The following HEPHL1 variants were observed in gnomAD, a reference collection of about 807,000 sequenced individuals.
HEPHL1 encodes the protein ferroxidase HEPHL1.
A neutral mutation model predicts 122.0 loss-of-function variants in HEPHL1; 123 were observed. The ratio of observed to expected loss-of-function variants is 1.01; its 90% confidence interval spans 0.87 to 1.17. The LOEUF (loss-of-function observed/expected upper bound fraction) is 1.17, where lower values mean the gene tolerates loss of function less well. HEPHL1 is among the 50% of genes most tolerant of loss of function. The probability of loss-of-function intolerance (pLI) is 0.00; values close to 1 mark genes in which losing one functional copy is unlikely to be tolerated. For missense variants in HEPHL1, 1,452 were observed against 1,430.5 expected (o/e 1.01, Z -0.24); for synonymous variants, 527 against 508.9 (o/e 1.04, Z -0.48).
At chr11:94,075,596 G>C (rs1946116598) in intron 9 of HEPHL1, among the ~76,000 whole-genome samples, 1 of 152,114 alleles carries the variant, frequency 6.6e-6, no homozygotes, top group Non-Finnish European at 1.5e-5. Flanking sequence ...CAGGAACCTA[G>C]AATCTCTGCT....
Position 94,090,254 on chromosome 11 carries a change from A to G in HEPHL1, c.2294+1286A>G, listed in dbSNP as rs533449199. Among the ~76,000 whole-genome samples the G allele has an allele frequency of 2.0e-4, 31 of 152,292 alleles. No homozygotes were observed. The South Asian group carries it at 6.4e-3, about 32-fold the overall frequency. On this transcript the variant is annotated intron_variant, in intron 12 of 19. Transcript: ENST00000315765. ...GAAGACTGGTGCTGGTACAGTGGAA[A>G]ATGAAATGAATTCCAATCTGGCCCT...
chr11:94,032,638 G>A (rs1945685648), intron 1 of HEPHL1, among the ~76,000 whole-genome samples: 1 of 152,174 alleles, frequency 6.6e-6, no homozygotes, highest in South Asian at 2.1e-4. Flanking sequence ...GAGCAGGGCA[G>A]GAGAGGGGTC....
At chr11:94,021,857 A>G (rs1032944980) in intron 1 of HEPHL1, among the ~76,000 whole-genome samples, 2 of 152,154 alleles carry the variant, frequency 1.3e-5, no homozygotes, top group African/African-American at 4.8e-5. Context: ...TTTGTTTTTA[A>G]ATGACAACAC....
chr11:94,082,629 G>A, intron 10 of HEPHL1, 61 bp downstream of exon 10: 3 of 1,477,794 alleles, frequency 2.0e-6, no homozygotes, highest in Non-Finnish European at 2.8e-6. Flanking sequence ...AAGTGAAAAT[G>A]ATTGGTGTGT....
chr11:94,076,632 C>G (rs759673724), intron 9 of HEPHL1, among the ~76,000 whole-genome samples: 8 of 151,438 alleles, frequency 5.3e-5, no homozygotes, highest in Middle Eastern at 6.9e-3. Flanking sequence ...TACCCTGAAA[C>G]ATCCTATACC....
At chr11:94,065,684 T>C (rs1000253719) in intron 4 of HEPHL1, among the ~76,000 whole-genome samples, 1 of 152,116 alleles carries the variant, frequency 6.6e-6, no homozygotes. Flanking sequence ...AGACATAAAT[T>C]CAAATCATTG....
chr11:94,068,442 G>A (rs1004721988), intron 5 of HEPHL1, among the ~76,000 whole-genome samples: 8 of 152,150 alleles, frequency 5.3e-5, no homozygotes, highest in Non-Finnish European at 1.2e-4. Context: ...CATGTCCTAT[G>A]ATAGGTGCAT....
At position 94,073,047 on chromosome 11, in the gene HEPHL1, C is replaced by G; in HGVS notation, c.1255C>G (p.Gln419Glu). Residue 419 changes from glutamine to glutamate, a missense_variant, in exon 7 of 20, where the codon CAA becomes GAA. By Grantham distance (29) the Gln-to-Glu change is conservative. Coordinates refer to ENST00000315765, the MANE Select transcript of HEPHL1 (RefSeq NM_001098672.2). ...CAGTGACTCTGATCTCTACTTCACA[C>G]AAGGGGACAACAGAATAGGAGGAAA... The part of the protein sequence containing the change: ...SGSDSDLYFT[Q>E]GDNRIGGKYW... 2 of 1,612,568 alleles carry G rather than the reference C, an allele frequency of 1.2e-6. No homozygotes were observed. Among genetic ancestry groups the G allele is most frequent in the Non-Finnish European group, 1.7e-6 (2 of 1,178,990 alleles).
Position 94,073,385 on chromosome 11 carries a change from T to G in HEPHL1, c.1450T>G (p.Leu484Val). 2 of 1,572,214 alleles carry G rather than the reference T, an allele frequency of 1.3e-6. No individual in the cohort carries two copies. The highest frequency in any genetic ancestry group is 8.6e-7 in the Non-Finnish European group (1 of 1,157,412). Residue 484 changes from leucine to valine, a missense_variant, in exon 8 of 20, where the codon TTA (leucine) becomes GTA (valine). Leu to Val is a conservative substitution (Grantham distance 32). Coordinates refer to ENST00000315765, the MANE Select transcript of HEPHL1 (RefSeq NM_001098672.2). ...CAAAGCCGACAAGGTCTATAGCATT[T>G]TACCCCATGGTGTGATCTATGACAA... ...ANKADKVYSI[L>V]PHGVIYDKAS...
rs1346089177 is a variant in HEPHL1, at chr11:94,093,999, TATATATATATATATAA to T, written c.2434+361_2434+376del. On this transcript the variant is annotated intron_variant, in intron 13 of 19. Transcript: ENST00000315765. ...ATATATATATATATATATATATATATATATATATATATATAAAACTTTAAGTTCTAGGGTACATGTG... is the reference window on the plus strand; with the variant it reads ...ATATATATATATATATATATATATATAACTTTAAGTTCTAGGGTACATGTG... 5.5e-3 allele frequency among the ~76,000 whole-genome samples: 567 copies of T among 102,168 alleles called. 13 individuals carry two copies. The highest frequency in any genetic ancestry group is 0.023 in the African/African-American group (512 of 21,930). 67.0% of individuals were successfully genotyped at this position (102,168 alleles called of 152,430 possible).
intron 1 of HEPHL1, among the ~76,000 whole-genome samples, chr11:94,041,456 C>T (rs1399299678): frequency 7.2e-6 from 1 of 138,828 alleles, no homozygotes; most frequent in Non-Finnish European, 1.5e-5. Context: ...AGGCATCACA[C>T]TACCTGCCTT....
chr11:94,107,372 TACAC>T (rs1946417449), intron 17 of HEPHL1, among the ~76,000 whole-genome samples: 1 of 152,130 alleles, frequency 6.6e-6, no homozygotes, highest in Admixed American at 6.5e-5. Context: ...TAAAATTTAA[TACAC>T]AAAATTATAA....
Position 94,063,515 on chromosome 11 carries a change from A to G in HEPHL1, c.423A>G (p.Leu141=). ...AATTTTATTTTTTGGAAGGAGCCCT[A>G]TACCCAGATGGAACATCTGGAAGGA... ...VFYNKDSEGA[L]YPDGTSGRNK... The change falls in exon 3 of 20, where the codon CTA becomes CTG. Residue 141 remains leucine, a synonymous_variant. Transcript: ENST00000315765. The G allele has an allele frequency of 6.2e-7, 1 of 1,604,514 alleles. No homozygotes were observed. The highest frequency in any genetic ancestry group is 8.5e-7 in the Non-Finnish European group (1 of 1,174,782).
chr11:94,114,097 C>A lies in HEPHL1; in HGVS notation c.*2203C>A, dbSNP rs1946472797. ...ATTGCTTCTTGCTTTCTCAAGACTT[C>A]ATTCCCTTGGGTATCCATTTTTCCT... On this transcript the variant is annotated 3_prime_UTR_variant, in exon 20 of 20. Transcript: ENST00000315765. Among the ~76,000 whole-genome samples, 1 of 152,210 alleles carries A rather than the reference C, an allele frequency of 6.6e-6. No individual in the cohort carries two copies.
At chr11:94,028,943 A>ACTTTCT (rs71305381) in intron 1 of HEPHL1, among the ~76,000 whole-genome samples, 54,815 of 151,512 alleles carry the variant, frequency 0.36, 10,224 homozygotes, top group South Asian at 0.44. Context: ...AAAACAAACT[A>ACTTTCT]CTTTCTCTTA....
intron 17 of HEPHL1, among the ~76,000 whole-genome samples, chr11:94,109,286 C>G (rs1343696275): frequency 6.6e-6 from 1 of 152,104 alleles, no homozygotes; most frequent in South Asian, 2.1e-4. Flanking sequence ...TCTATGCAGA[C>G]AATCATGTTG....
chr11:94,111,449 T>A, intron 18 of HEPHL1, 88 bp from the exon 19 acceptor site: 1 of 1,017,876 alleles, frequency 9.8e-7, no homozygotes, highest in Non-Finnish European at 1.5e-6. Flanking sequence ...ATGGGATAAG[T>A]CCTCGCTGGT....
At chr11:94,061,451 T>A (rs994902828) in intron 2 of HEPHL1, among the ~76,000 whole-genome samples, 1 of 152,124 alleles carries the variant, frequency 6.6e-6, no homozygotes, top group African/African-American at 2.4e-5. Context: ...AAAAGTGGAC[T>A]GAAAAAGAGT....
At chr11:94,060,367 T>A (rs1008169186) in intron 2 of HEPHL1, among the ~76,000 whole-genome samples, 1 of 151,852 alleles carries the variant, frequency 6.6e-6, no homozygotes, top group Non-Finnish European at 1.5e-5. Flanking sequence ...TGTGTATATA[T>A]ACACTTACAT....
Sources: gnomAD v4.1 joint callset for allele counts (sites outside exome capture counted in the v4.1 genomes callset) on GRCh38, gnomAD v4.1.1 for gene constraint, MANE v1.5 for transcripts, NCBI Gene and HGNC (gene_info 2026-07-23, HGNC 2026-07-21) for gene names.